The following NXPH1 variants were observed in gnomAD, a reference collection of about 807,000 sequenced individuals.
The protein encoded by NXPH1 is neurexophilin-1.
Under a neutral mutation model 23.7 loss-of-function variants are expected in NXPH1, and 5 were observed. That is an observed-to-expected ratio of 0.21 (90% CI 0.11 to 0.44). The LOEUF is 0.44. Among genes scored for constraint, NXPH1 ranks in the 20% least tolerant of loss-of-function variants. NXPH1 has a pLI of 0.99. For missense variants in NXPH1, 324 were observed against 321.6 expected (o/e 1.01, Z -0.06); for synonymous variants, 144 against 122.2 (o/e 1.18, Z -1.18).
intron 2 of NXPH1, among the ~76,000 whole-genome samples, chr7:8,709,684 A>C (rs982350708): frequency 6.6e-6 from 1 of 152,220 alleles, no homozygotes; most frequent in Admixed American, 6.5e-5. Context: ...CACTTCAATT[A>C]AAACATTCCA....
intron 2 of NXPH1, among the ~76,000 whole-genome samples, chr7:8,656,982 A>G (rs966970939): frequency 1.3e-5 from 2 of 152,148 alleles, no homozygotes; most frequent in Admixed American, 6.5e-5. Flanking sequence ...CCTCATTCCA[A>G]TTGTGTATGG....
At chr7:8,580,275 A>G (rs1309775875) in intron 2 of NXPH1, among the ~76,000 whole-genome samples, 3 of 152,218 alleles carry the variant, frequency 2.0e-5, no homozygotes, top group Non-Finnish European at 4.4e-5. Context: ...TAGAGGAGAT[A>G]GTCACAGGCT....
At chr7:8,628,171 G>GGAA (rs1186823110) in intron 2 of NXPH1, among the ~76,000 whole-genome samples, 1 of 152,008 alleles carries the variant, frequency 6.6e-6, no homozygotes. Context: ...AGAATATGTG[G>GGAA]ATTACTTAGT....
At chr7:8,469,675 T>A (rs1246480350) in intron 2 of NXPH1, among the ~76,000 whole-genome samples, 2 of 152,118 alleles carry the variant, frequency 1.3e-5, no homozygotes, top group Non-Finnish European at 1.5e-5. Context: ...ACACTTTAAT[T>A]CTATCGAATT....
intron 2 of NXPH1, among the ~76,000 whole-genome samples, chr7:8,676,256 T>C (rs1215570661): frequency 6.6e-6 from 1 of 152,206 alleles, no homozygotes. Context: ...TGCAATAATG[T>C]AACTAGTTTA....
intron 2 of NXPH1, among the ~76,000 whole-genome samples, chr7:8,739,351 C>T (rs573968204): frequency 3.0e-4 from 45 of 152,030 alleles, no homozygotes; most frequent in Non-Finnish European, 5.4e-4. Context: ...GGCCAGAATG[C>T]ACCGTCCTTC....
chr7:8,538,963 A>G (rs116040559), intron 2 of NXPH1, among the ~76,000 whole-genome samples: 3,000 of 152,042 alleles, frequency 0.02, 107 homozygotes, highest in African/African-American at 0.069. Flanking sequence ...TGGTTGGTAG[A>G]TGTGTGGAAA....
chr7:8,662,979 C>T (rs938443823), intron 2 of NXPH1, among the ~76,000 whole-genome samples: 11 of 151,992 alleles, frequency 7.2e-5, no homozygotes, highest in African/African-American at 2.4e-4. Context: ...CTGATTATAA[C>T]ACAGTAAGTG....
intron 2 of NXPH1, among the ~76,000 whole-genome samples, chr7:8,641,275 T>G (rs978723486): frequency 6.6e-6 from 1 of 152,182 alleles, no homozygotes; most frequent in African/African-American, 2.4e-5. Flanking sequence ...TGTGCACAGT[T>G]TAATATTAAA....
At chr7:8,455,013 A>T (rs1563315007) in intron 2 of NXPH1, among the ~76,000 whole-genome samples, 1 of 152,182 alleles carries the variant, frequency 6.6e-6, no homozygotes, top group Non-Finnish European at 1.5e-5. Context: ...CTAATTTATG[A>T]TGCTGTTTTT....
At chr7:8,654,878 A>T (rs1820547849) in intron 2 of NXPH1, among the ~76,000 whole-genome samples, 1 of 152,194 alleles carries the variant, frequency 6.6e-6, no homozygotes, top group Non-Finnish European at 1.5e-5. Context: ...ATTTTGACAG[A>T]TTCTTCCTGG....
At chr7:8,698,871 A>T (rs959085524) in intron 2 of NXPH1, among the ~76,000 whole-genome samples, 1 of 152,150 alleles carries the variant, frequency 6.6e-6, no homozygotes, top group Non-Finnish European at 1.5e-5. Context: ...TTTAGCCCAG[A>T]GTGTCTCTAA....
chr7:8,691,577 A>G (rs1821222164), intron 2 of NXPH1, among the ~76,000 whole-genome samples: 1 of 152,242 alleles, frequency 6.6e-6, no homozygotes, highest in African/African-American at 2.4e-5. Flanking sequence ...TACCAAATAC[A>G]ATTTTTTAAA....
intron 2 of NXPH1, among the ~76,000 whole-genome samples, chr7:8,660,793 A>C (rs765157182): frequency 1.3e-5 from 2 of 152,186 alleles, no homozygotes; most frequent in Non-Finnish European, 2.9e-5. Flanking sequence ...GACACTGTAC[A>C]AGAACAAGTT....
intron 2 of NXPH1, among the ~76,000 whole-genome samples, chr7:8,590,039 C>G (rs888117070): frequency 6.6e-6 from 1 of 152,066 alleles, no homozygotes; most frequent in African/African-American, 2.4e-5. Context: ...TTGGATAGCA[C>G]TGAGAGGCTA....
chr7:8,641,964 C>T (rs1451585929), intron 2 of NXPH1, among the ~76,000 whole-genome samples: 1 of 152,136 alleles, frequency 6.6e-6, no homozygotes, highest in Non-Finnish European at 1.5e-5. Context: ...TTCATTTCTT[C>T]CCCTTTGGAG....
chr7:8,646,066 A>G (rs1820395249), intron 2 of NXPH1, among the ~76,000 whole-genome samples: 1 of 152,102 alleles, frequency 6.6e-6, no homozygotes, highest in Admixed American at 6.6e-5. Context: ...AAATTAATGA[A>G]TTTTGAAAAA....
intron 2 of NXPH1, among the ~76,000 whole-genome samples, chr7:8,712,297 G>C (rs1779810601): frequency 6.6e-6 from 1 of 152,106 alleles, no homozygotes; most frequent in Non-Finnish European, 1.5e-5. Context: ...CCATTCTCTT[G>C]AATTAAATAT....
At chr7:8,631,986 A>C (rs1261265459) in intron 2 of NXPH1, among the ~76,000 whole-genome samples, 2 of 152,160 alleles carry the variant, frequency 1.3e-5, no homozygotes, top group Non-Finnish European at 2.9e-5. Flanking sequence ...ACCATTATTC[A>C]TGTGTAGGTT....
Sources: gnomAD v4.1 joint callset for allele counts (sites outside exome capture counted in the v4.1 genomes callset) on GRCh38, gnomAD v4.1.1 for gene constraint, MANE v1.5 for transcripts, NCBI Gene and HGNC (gene_info 2026-07-23, HGNC 2026-07-21) for gene names.